Variants in CLSPN observed in about 807,000 individuals in gnomAD.
CLSPN encodes claspin.
CLSPN carries 85 observed loss-of-function variants against 156.3 expected under a neutral mutation model. The ratio of observed to expected loss-of-function variants is 0.54; its 90% CI spans 0.46 to 0.65. The LOEUF (loss-of-function observed/expected upper bound fraction) is 0.65, where lower values mean the gene tolerates loss of function less well. Among genes scored for constraint, CLSPN ranks in the 30% least tolerant of loss-of-function variants. The pLI, the probability that CLSPN is intolerant of heterozygous loss-of-function variation, is 0.00. For missense variants in CLSPN, 1,407 were observed against 1,554.9 expected, an observed-to-expected ratio of 0.90 and a Z score of 1.60; for synonymous variants, 534 against 542.4, an observed-to-expected ratio of 0.98 and a Z score of 0.22.
Position 35,733,507 on chromosome 1 carries a change from G to C in CLSPN, c.*2989C>G. On this transcript the variant is annotated 3_prime_UTR_variant, in exon 25 of 25. Transcript: ENST00000318121. ...TTTTCTATCTCTCCTCAAAAGACAT[G>C]TAGGGAAACAAGAGGGAAGAAATAT... 2 of 985,294 alleles carry C rather than the reference G, an allele frequency of 2.0e-6. No individual in the cohort carries two copies. The highest frequency in any genetic ancestry group is 3.5e-5 in the African/African-American group (2 of 57,324). 61.0% of individuals were successfully genotyped at this position (985,294 alleles called of 1,614,324 possible). A position where few individuals can be genotyped will look rare whatever the true frequency, so the allele number is the denominator to read the frequency against.
Position 35,749,780 on chromosome 1 carries a change from A to C in CLSPN, c.2060T>G (p.Ile687Arg), listed in dbSNP as rs764735824. The change falls in exon 11 of 25, where the codon ATA (isoleucine) becomes AGA (arginine). Residue 687 changes from isoleucine to arginine, a missense_variant. Physicochemically the swap from Ile to Arg is moderately conservative, Grantham distance 97. Around this residue, in one of 3 missense-constraint regions of CLSPN, gnomAD observed 1,096 missense variants for 1,193.0 expected, o/e 0.92. Coordinates refer to ENST00000318121, the MANE Select transcript of CLSPN (RefSeq NM_022111.4). ...TAEFLLSSEE[I>R]ETKDEKEMDK... ...CATTTCTTTTTCATCTTTTGTTTCT[A>C]TTTCTTCACTACTAAGAAGGAATTC... 1.9e-5 allele frequency: 30 copies of C among 1,613,866 alleles called. No homozygotes were observed. In the South Asian group the frequency reaches 3.3e-4, roughly 18 times the overall value.
At chr1:35,759,727 C>T (rs1642406699) in intron 8 of CLSPN, among the ~76,000 whole-genome samples, 1 of 150,900 alleles carries the variant, frequency 6.6e-6, no homozygotes, top group South Asian at 2.1e-4. Flanking sequence ...CTCAGGATTA[C>T]AGAAAAAACT....
At position 35,763,333 on chromosome 1, in the gene CLSPN, A is replaced by G; in HGVS notation, c.583-12T>C. 6.4e-7 allele frequency: 1 copy of G among 1,555,748 alleles called. No individual in the cohort carries two copies. The highest frequency in any genetic ancestry group is 1.4e-5 in the African/African-American group (1 of 71,884). On this transcript the variant is annotated splice_polypyrimidine_tract_variant and intron_variant, in intron 3 of 24. Coordinates refer to ENST00000318121, the MANE Select transcript of CLSPN (RefSeq NM_022111.4). ...TCTACATCATCTTCCTAAGTAATAC[A>G]TAAACAAAAAGCATAATCCAATCAT... is the stretch of plus-strand genomic sequence containing the variant.
intron 6 of CLSPN, 115 bp from the exon 7 acceptor site, chr1:35,761,319 C>A: frequency 1.6e-6 from 1 of 635,724 alleles, no homozygotes. Flanking sequence ...GAAAACTCCC[C>A]TTTAACAAAG....
At position 35,746,024 on chromosome 1, in the gene CLSPN, C is replaced by A. The variant is rs1003719029; in HGVS notation, c.2855-462G>T. 6.6e-6 allele frequency among the ~76,000 whole-genome samples: 1 copy of A among 152,012 alleles called. No homozygotes were observed. Among genetic ancestry groups the A allele is most frequent in the Non-Finnish European group, 1.5e-5 (1 of 68,022 alleles). On this transcript the variant is annotated intron_variant, in intron 15 of 24. Coordinates refer to ENST00000318121, the MANE Select transcript of CLSPN (RefSeq NM_022111.4). The surrounding 1 kb of genome is among the most constrained non-coding windows in gnomAD (Gnocchi z 4.2). ...GCAGTGGCACAATCTCGGCTCACTGCAACCTCCACCTCCGGGGTTCAAGCA... is the reference window on the plus strand; with the variant it reads ...GCAGTGGCACAATCTCGGCTCACTGAAACCTCCACCTCCGGGGTTCAAGCA...
chr1:35,735,873 T>C lies in CLSPN; in HGVS notation c.*623A>G, dbSNP rs1052526777. The C allele has an allele frequency of 2.8e-5, 28 of 985,330 alleles. No homozygotes were observed. The Middle Eastern group carries it at 2.6e-3, about 92-fold the overall frequency. 61.0% of individuals were successfully genotyped at this position (985,330 alleles called of 1,614,324 possible). On this transcript the variant is annotated 3_prime_UTR_variant, in exon 25 of 25. Transcript: ENST00000318121. ...CACTTCTATCAATCACAAAGAGATA[T>C]TAACCCAGAAAGCTGCTACAATAAA...
intron 9 of CLSPN, 143 bp from the exon 10 acceptor site, chr1:35,751,649 A>T: frequency 9.4e-7 from 1 of 1,060,132 alleles, no homozygotes; most frequent in Non-Finnish European, 1.3e-6. Context: ...ATTTGAACAC[A>T]AGAGTATTAT....
Position 35,751,493 on chromosome 1 carries a change from C to T in CLSPN, c.1785G>A (p.Gln595=), listed in dbSNP as rs1408858912. The part of the protein sequence containing the change: ...ASHTKPGEKL[Q]VLKAKLQEAM... The stretch of plus-strand genomic sequence containing the variant: ...CTTCTTGCAGTTTAGCTTTTAACAC[C>T]TGAAGCTTTTCACCTGAACAGAAAT... Residue 595 remains glutamine, a synonymous_variant, in exon 10 of 25, where the codon CAG becomes CAA. Coordinates refer to ENST00000318121, the MANE Select transcript of CLSPN (RefSeq NM_022111.4). 3.7e-6 allele frequency: 6 copies of T among 1,613,300 alleles called. No individual in the cohort carries two copies. Among genetic ancestry groups the T allele is most frequent in the Non-Finnish European group, 5.1e-6 (6 of 1,179,778 alleles).
chr1:35,745,714 G>C, intron 15 of CLSPN, 152 bp from the exon 16 acceptor site: 1 of 618,052 alleles, frequency 1.6e-6, no homozygotes, highest in East Asian at 2.8e-5. Flanking sequence ...TCCTTATTTA[G>C]TGCTTACTAT....
At position 35,735,853 on chromosome 1, in the gene CLSPN, C is replaced by A; in HGVS notation, c.*643G>T. The A allele has an allele frequency of 1.0e-6, 1 of 985,320 alleles. No individual in the cohort carries two copies. The highest frequency in any genetic ancestry group is 1.2e-6 in the Non-Finnish European group (1 of 829,912). The allele number at this position is 985,320 out of a possible 1,614,324, so 61.0% of individuals were successfully genotyped here. ...CCTACTCTTCCTCTTCCAACCACTTCTATCAATCACAAAGAGATATTAACC... is the reference window on the plus strand; with the variant it reads ...CCTACTCTTCCTCTTCCAACCACTTATATCAATCACAAAGAGATATTAACC... On this transcript the variant is annotated 3_prime_UTR_variant, in exon 25 of 25. Transcript: ENST00000318121.
At chr1:35,745,941 T>C (rs1455318136) in intron 15 of CLSPN, among the ~76,000 whole-genome samples, 1 of 151,148 alleles carries the variant, frequency 6.6e-6, no homozygotes, top group Non-Finnish European at 1.5e-5. Flanking sequence ...AAAGCAGTCT[T>C]TTTTTTTTTC....
At chr1:35,731,865 G>A (rs566711352), downstream of CLSPN, among the ~76,000 whole-genome samples, 71 of 152,236 alleles carry the variant, frequency 4.7e-4, no homozygotes, top group African/African-American at 1.7e-3. Flanking sequence ...TTCATTTTAA[G>A]TTTGAGATAT....
At position 35,751,382 on chromosome 1, in the gene CLSPN, CTCCTCTTCCTCA is replaced by C; in HGVS notation, c.1884_1895del (p.Phe628_Glu632delinsLeu). On this transcript the variant is annotated inframe_deletion, in exon 10 of 25. Transcript: ENST00000318121. ...CATCTGTCATTTCTTCCTCTTCCTC[CTCCTCTTCCTCA>C]AACCCATCTTCATTATCTAATTTAA... The C allele has an allele frequency of 1.2e-6, 2 of 1,612,142 alleles. No homozygotes were observed.
chr1:35,736,865 A>T (rs1214445317), intron 24 of CLSPN, 49 bp downstream of exon 24: 1 of 1,566,094 alleles, frequency 6.4e-7, no homozygotes, highest in African/African-American at 1.4e-5. Context: ...TAAATAAATG[A>T]ATAAATTCTG....
rs750220582 is a variant in CLSPN at position 35,739,402 on chromosome 1, C to G, written c.3271G>C (p.Asp1091His). 2.5e-6 allele frequency: 4 copies of G among 1,614,110 alleles called. No individual in the cohort carries two copies. Among genetic ancestry groups the G allele is most frequent in the Non-Finnish European group, 3.4e-6 (4 of 1,180,018 alleles). Residue 1091 changes from aspartate to histidine, a missense_variant, in exon 19 of 25, where the codon GAT (aspartate) becomes CAT (histidine). Around this residue, in one of 3 missense-constraint regions of CLSPN, gnomAD observed 70 missense variants for 121.5 expected, o/e 0.58. Coordinates refer to ENST00000318121, the MANE Select transcript of CLSPN (RefSeq NM_022111.4). ...EDVIDEVLPSDEELQSQIKKI... is the reference protein window; with the variant it reads ...EDVIDEVLPSHEELQSQIKKI... ...TTGATTTGACTCTGCAGTTCCTCAT[C>G]AGAAGGAAGTACTTCATCAATTACG... is the stretch of plus-strand genomic sequence containing the variant.
At chr1:35,721,380 T>G (rs1227557204) in intron 24 of CLSPN, among the ~76,000 whole-genome samples, 1 of 152,138 alleles carries the variant, frequency 6.6e-6, no homozygotes, top group Non-Finnish European at 1.5e-5. Context: ...CATGATGCTA[T>G]CACCATGTTT....
At chr1:35,739,646 A>G in intron 18 of CLSPN, 117 bp from the exon 19 acceptor site, 1 of 708,974 alleles carries the variant, frequency 1.4e-6, no homozygotes, top group Non-Finnish European at 2.2e-6. Flanking sequence ...TACATTTGAT[A>G]ATATTTAAAT....
At chr1:35,726,501 G>T (rs1214165808) in intron 24 of CLSPN, among the ~76,000 whole-genome samples, 2 of 152,150 alleles carry the variant, frequency 1.3e-5, no homozygotes, top group African/African-American at 4.8e-5. Context: ...GCGGTTTCAA[G>T]AAGTCAAATT....
rs1642811666 is a variant in CLSPN at position 35,769,920 on chromosome 1, C to G, written c.-50G>C. On this transcript the variant is annotated 5_prime_UTR_variant, in exon 1 of 25. Transcript: ENST00000318121. The stretch of plus-strand genomic sequence containing the variant: ...CTAGGGACGGAGCTGTCTCTGATTC[C>G]CTCAGCCGGAGAGCAGCGGCTCCCG... 5 of 1,600,260 alleles carry G rather than the reference C, an allele frequency of 3.1e-6. No individual in the cohort carries two copies. Among genetic ancestry groups the G allele is most frequent in the Non-Finnish European group, 4.3e-6 (5 of 1,172,786 alleles).
Sources: gnomAD v4.1 joint callset for allele counts (sites outside exome capture counted in the v4.1 genomes callset) on GRCh38, gnomAD v4.1.1 for gene constraint, gnomAD v4.1.1 regional missense constraint, Gnocchi (gnomAD v3.1) non-coding constraint, MANE v1.5 for transcripts, NCBI Gene and HGNC (gene_info 2026-07-23, HGNC 2026-07-21) for gene names.